FLT1: variants seen among roughly 807,000 people sequenced by gnomAD.
FLT1 encodes the protein vascular endothelial growth factor receptor 1.
FLT1 carries 49 observed loss-of-function variants against 156.3 expected under a neutral mutation model. The ratio of observed to expected loss-of-function variants is 0.31; its 90% CI spans 0.25 to 0.40. FLT1 has a LOEUF of 0.40. Among genes scored for constraint, FLT1 ranks in the 10% least tolerant of loss-of-function variants. The probability of loss-of-function intolerance (pLI) is 1.00; values close to 1 mark genes in which losing one functional copy is unlikely to be tolerated. For synonymous variants in FLT1, 594 were observed against 583.8 expected (o/e 1.02, Z -0.25); for missense variants, 1,322 against 1,637.2 (o/e 0.81, Z 3.32).
At chr13:28,311,226 C>T (rs886642572) in intron 27 of FLT1, among the ~76,000 whole-genome samples, 15 of 152,270 alleles carry the variant, frequency 9.9e-5, no homozygotes, top group African/African-American at 3.1e-4. Flanking sequence ...CAAAGTGCTG[C>T]GATTACAGGC....
intron 10 of FLT1, among the ~76,000 whole-genome samples, chr13:28,419,063 A>G (rs1011446393): frequency 3.3e-5 from 5 of 152,218 alleles, no homozygotes; most frequent in African/African-American, 1.2e-4. Context: ...TATCACAGCT[A>G]TTATAATGAA....
chr13:28,486,463 C>A (rs188120461), intron 1 of FLT1, among the ~76,000 whole-genome samples: 1 of 152,372 alleles, frequency 6.6e-6, no homozygotes, highest in African/African-American at 2.4e-5. Flanking sequence ...ATTTTGCAGT[C>A]ATACTGGAGG....
Position 28,427,230 on chromosome 13 carries a change from G to C in FLT1, c.1365C>G (p.Thr455=), listed in dbSNP as rs753091980. The change falls in exon 10 of 30, where the codon ACC becomes ACG. Residue 455 remains threonine, a synonymous_variant. Transcript: ENST00000282397. ...TTGTAGGTTGAGGGATACCATATGC[G>C]GTACAAGTCAGGATTTGTCTGCTGC... ...PLGSRQILTC[T]AYGIPQPTIK... The C allele has an allele frequency of 6.2e-7, 1 of 1,613,852 alleles. No homozygotes were observed. Among genetic ancestry groups the C allele is most frequent in the Admixed American group, 1.7e-5 (1 of 60,010 alleles).
intron 1 of FLT1, among the ~76,000 whole-genome samples, chr13:28,493,311 A>G (rs1195489194): frequency 1.3e-5 from 2 of 152,222 alleles, no homozygotes; most frequent in Non-Finnish European, 2.9e-5. Context: ...AATAGAAAAT[A>G]CAACATTTTA....
intron 15 of FLT1, among the ~76,000 whole-genome samples, chr13:28,349,472 A>G (rs549381426): frequency 2.6e-5 from 4 of 150,944 alleles, no homozygotes; most frequent in African/African-American, 4.9e-5. Flanking sequence ...GCGCACACGC[A>G]CACACACACA....
intron 3 of FLT1, among the ~76,000 whole-genome samples, chr13:28,460,723 T>A (rs757812380): frequency 3.6e-4 from 47 of 131,430 alleles, no homozygotes; most frequent in Non-Finnish European, 6.3e-4. Flanking sequence ...ATAATAGATA[T>A]GGTCTATCCT....
chr13:28,441,935 G>A (rs1427747513), intron 3 of FLT1, among the ~76,000 whole-genome samples: 2 of 152,056 alleles, frequency 1.3e-5, no homozygotes, highest in Admixed American at 6.6e-5. Flanking sequence ...AAATGATAAA[G>A]CTCCATCCAT....
intron 1 of FLT1, among the ~76,000 whole-genome samples, chr13:28,477,968 A>T (rs756165256): frequency 1.3e-5 from 2 of 152,204 alleles, no homozygotes; most frequent in Non-Finnish European, 2.9e-5. Context: ...GACTAAATAT[A>T]CAGGTGGCTT....
intron 1 of FLT1, among the ~76,000 whole-genome samples, chr13:28,474,452 A>AAAAAC (rs200005773): frequency 0.023 from 3,381 of 148,486 alleles, 133 homozygotes; most frequent in African/African-American, 0.079. Context: ...ACTCTGTCTC[A>AAAAAC]AAAACAAAAC....
At chr13:28,347,421 T>C (rs1872605161) in intron 15 of FLT1, among the ~76,000 whole-genome samples, 1 of 152,078 alleles carries the variant, frequency 6.6e-6, no homozygotes, top group African/African-American at 2.4e-5. Context: ...CTCGGTAGTC[T>C]GAAGCAGGAG....
intron 10 of FLT1, among the ~76,000 whole-genome samples, chr13:28,412,373 T>TTCC (rs1876312491): frequency 7.9e-6 from 1 of 126,272 alleles, no homozygotes; most frequent in African/African-American, 3.1e-5. Flanking sequence ...TCTTTCTTTC[T>TTCC]TTCTTTCTTT....
In FLT1 at chr13:28,300,781, C is replaced by A. The variant is rs1870483555; in HGVS notation, c.*2386G>T. 1 of 233,126 alleles carries A rather than the reference C, an allele frequency of 4.3e-6. No homozygotes were observed. Among genetic ancestry groups the A allele is most frequent in the African/African-American group, 2.2e-5 (1 of 45,324 alleles). The allele number at this position is 233,126 out of a possible 1,614,324, so 14.4% of individuals were successfully genotyped here. A position where few individuals can be genotyped will look rare whatever the true frequency, so the allele number is the denominator to read the frequency against. ...TGTTCCACGTACATTATCTCAGAAA[C>A]TCTGAAAGGAAGTGCTCGTTCTTTG... On this transcript the variant is annotated 3_prime_UTR_variant, in exon 30 of 30. Coordinates refer to ENST00000282397, the MANE Select transcript of FLT1 (RefSeq NM_002019.4).
At chr13:28,345,706 AC>A (rs1593697519) in intron 15 of FLT1, 155 bp from the exon 16 acceptor site, 6 of 668,848 alleles carry the variant, frequency 9.0e-6, no homozygotes, top group African/African-American at 1.8e-5. Context: ...CAGATCTCTT[AC>A]CTTCTAAGCC....
intron 3 of FLT1, among the ~76,000 whole-genome samples, chr13:28,451,198 G>A (rs1021531913): frequency 6.6e-6 from 1 of 152,188 alleles, no homozygotes; most frequent in African/African-American, 2.4e-5. Context: ...CGAGGTGGGA[G>A]GACTGCCTGA....
intron 11 of FLT1, among the ~76,000 whole-genome samples, chr13:28,400,151 C>T (rs1315478957): frequency 6.6e-6 from 1 of 152,182 alleles, no homozygotes; most frequent in African/African-American, 2.4e-5. Flanking sequence ...GATCTATTGG[C>T]AAAATTCTGT....
At chr13:28,469,359 A>T (rs1880024441) in intron 1 of FLT1, among the ~76,000 whole-genome samples, 1 of 152,248 alleles carries the variant, frequency 6.6e-6, no homozygotes, top group Admixed American at 6.5e-5. Flanking sequence ...GGTTATGCCC[A>T]GCAGTCCTCT....
intron 17 of FLT1, 121 bp downstream of exon 17, chr13:28,339,047 T>A (rs1239480826): frequency 1.2e-6 from 1 of 844,790 alleles, no homozygotes. Flanking sequence ...CTTGCTAGTC[T>A]GTGAGCAGCT....
At chr13:28,423,947 C>CTTTCTT (rs1188100417) in intron 10 of FLT1, among the ~76,000 whole-genome samples, 2 of 152,018 alleles carry the variant, frequency 1.3e-5, no homozygotes, top group African/African-American at 2.4e-5. Context: ...CTTTTCTTTT[C>CTTTCTT]TTTCTTTTTC....
intron 18 of FLT1, among the ~76,000 whole-genome samples, chr13:28,330,126 T>A (rs1871865591): frequency 6.6e-6 from 1 of 152,228 alleles, no homozygotes; most frequent in Non-Finnish European, 1.5e-5. Context: ...CTTCTCCCTT[T>A]GGGGAGTCAC....
Sources: allele counts gnomAD v4.1 joint callset (sites outside exome capture counted in the v4.1 genomes callset), GRCh38; gene constraint gnomAD v4.1.1; transcripts MANE v1.5; gene names NCBI Gene and HGNC (gene_info 2026-07-23, HGNC 2026-07-21).